The following MIOS variants were observed in gnomAD, a reference collection of about 807,000 sequenced individuals.
MIOS encodes meiosis regulator for oocyte development.
In MIOS, 52 loss-of-function variants were observed where a neutral mutation model predicts 96.9. That is an observed-to-expected ratio of 0.54 (90% confidence interval 0.43 to 0.68). The LOEUF (loss-of-function observed/expected upper bound fraction) is 0.68. MIOS is among the 30% of genes least tolerant of loss of function. The pLI is 0.00. For synonymous variants in MIOS, 397 were observed against 359.5 expected, an observed-to-expected ratio of 1.10 and a Z score of -1.18; for missense variants, 1,005 against 1,052.8, an observed-to-expected ratio of 0.95 and a Z score of 0.63.
intron 3 of MIOS, among the ~76,000 whole-genome samples, chr7:7,571,690 C>G (rs1349841669): frequency 6.6e-6 from 1 of 151,290 alleles, no homozygotes; most frequent in Non-Finnish European, 1.5e-5. Context: ...AAGGGGTTCC[C>G]CACACACAAT....
intron 11 of MIOS, among the ~76,000 whole-genome samples, chr7:7,597,468 TTATATATATA>T (rs1160646084): frequency 1.3e-3 from 15 of 11,696 alleles, no homozygotes; most frequent in African/African-American, 3.2e-3. Context: ...CCTAGTAAAT[TTATATATATA>T]TATATATATA....
At chr7:7,593,888 AAAAAAAAG>A (rs1484927294) in intron 9 of MIOS, among the ~76,000 whole-genome samples, 1 of 104,306 alleles carries the variant, frequency 9.6e-6, no homozygotes, top group Admixed American at 8.6e-5. Flanking sequence ...CCAAAAAAAA[AAAAAAAAG>A]AAAAAGAAAA....
intron 7 of MIOS, among the ~76,000 whole-genome samples, chr7:7,587,623 C>G (rs576476162): frequency 6.6e-6 from 1 of 152,146 alleles, no homozygotes; most frequent in Admixed American, 6.5e-5. Context: ...ATAACTCTTT[C>G]CAGATCAAAA....
At chr7:7,593,494 C>T (rs373429253) in intron 9 of MIOS, among the ~76,000 whole-genome samples, 31 of 152,152 alleles carry the variant, frequency 2.0e-4, no homozygotes, top group African/African-American at 6.0e-4. Flanking sequence ...AGAAAACTAA[C>T]CTTCAGATTG....
chr7:7,568,488 A>C (rs1396150542), intron 3 of MIOS, among the ~76,000 whole-genome samples: 1 of 152,196 alleles, frequency 6.6e-6, no homozygotes, highest in Non-Finnish European at 1.5e-5. Context: ...TGGTGAAAAA[A>C]AATACACTTC....
At chr7:7,587,108 T>C (rs1326347228) in intron 7 of MIOS, among the ~76,000 whole-genome samples, 1 of 151,858 alleles carries the variant, frequency 6.6e-6, no homozygotes, top group African/African-American at 2.4e-5. Flanking sequence ...CCTCCTGGGT[T>C]TAAGTGATTC....
At chr7:7,599,764 C>T (rs560807686) in intron 11 of MIOS, among the ~76,000 whole-genome samples, 2 of 152,268 alleles carry the variant, frequency 1.3e-5, no homozygotes, top group South Asian at 2.1e-4. Flanking sequence ...AGAATAATCA[C>T]TCTTTATAAT....
intron 5 of MIOS, among the ~76,000 whole-genome samples, chr7:7,574,611 C>G (rs1398854703): frequency 6.6e-6 from 1 of 152,032 alleles, no homozygotes; most frequent in African/African-American, 2.4e-5. Flanking sequence ...CAAATACTTT[C>G]ATTGAGCCAT....
At chr7:7,606,742 A>G (rs7789287) in intron 12 of MIOS, among the ~76,000 whole-genome samples, 147,748 of 152,294 alleles carry the variant, frequency 0.97, 71,697 homozygotes, top group East Asian at 1. Context: ...TCTGGGTTTT[A>G]GTTTCTATAT....
rs184098603 is a variant in MIOS, at chr7:7,597,270, G to A, written c.2401+809G>A. On this transcript the variant is annotated intron_variant, in intron 11 of 12. Coordinates refer to ENST00000340080, the MANE Select transcript of MIOS (RefSeq NM_019005.4). The stretch of plus-strand genomic sequence containing the variant: ...GAACCCGGGAGGCAGAGGTTGCAGT[G>A]AGCCAAGATCATGCCACTGCACTCC... 2.2e-3 allele frequency among the ~76,000 whole-genome samples: 327 copies of A among 150,952 alleles called. 8 individuals are homozygous for A. The East Asian group carries it at 0.047, about 22-fold the overall frequency.
In MIOS at chr7:7,572,325, G is replaced by GA; in HGVS notation, c.-40-106dup. ...TAGAGAGAAGAAATACAAATATATT[G>GA]AAAAAGAGGGTTCTTGAATAGAGAA... On this transcript the variant is annotated intron_variant, in intron 3 of 12. Coordinates refer to ENST00000340080, the MANE Select transcript of MIOS (RefSeq NM_019005.4). The surrounding 1 kb of genome is among the most constrained non-coding windows in gnomAD (Gnocchi z 4.8). 1 of 507,622 alleles carries GA rather than the reference G, an allele frequency of 2.0e-6. No homozygotes were observed. Among genetic ancestry groups the GA allele is most frequent in the Non-Finnish European group, 3.4e-6 (1 of 292,962 alleles). The allele number at this position is 507,622 out of a possible 1,614,324, so 31.4% of individuals were successfully genotyped here.
In MIOS at chr7:7,589,365, G is replaced by A. The variant is rs147096223; in HGVS notation, c.1885-40G>A. 5.8e-4 allele frequency: 915 copies of A among 1,587,582 alleles called. 4 individuals are homozygous for A. The African/African-American group carries it at 0.011, about 19-fold the overall frequency. On this transcript the variant is annotated intron_variant, in intron 8 of 12. Coordinates refer to ENST00000340080, the MANE Select transcript of MIOS (RefSeq NM_019005.4). ...AGTTTTGAAGTACAAAATACATAGT[G>A]AAACAGATTGCTTTAGAAAAATCAC...
chr7:7,604,774 A>C (rs1784478319), intron 11 of MIOS, among the ~76,000 whole-genome samples: 1 of 152,194 alleles, frequency 6.6e-6, no homozygotes, highest in Admixed American at 6.6e-5. Context: ...GAAAAATATA[A>C]GGATATGCCT....
At chr7:7,584,960 C>T (rs1783839585) in intron 6 of MIOS, among the ~76,000 whole-genome samples, 1 of 152,074 alleles carries the variant, frequency 6.6e-6, no homozygotes. Flanking sequence ...TCTTGTAGTT[C>T]ATTTTGTCCT....
At chr7:7,597,374 G>C (rs1484143589) in intron 11 of MIOS, among the ~76,000 whole-genome samples, 1 of 145,350 alleles carries the variant, frequency 6.9e-6, no homozygotes, top group Non-Finnish European at 1.5e-5. Context: ...TAATAAATAA[G>C]AAAATACATA....
chr7:7,605,049 T>A (rs1207948362), intron 11 of MIOS: 4 of 152,198 alleles, frequency 2.6e-5, no homozygotes, highest in African/African-American at 7.2e-5. Context: ...GGATATTTTT[T>A]AAAACTATTC....
chr7:7,580,496 T>G (rs1232351047), intron 5 of MIOS, among the ~76,000 whole-genome samples: 4 of 152,312 alleles, frequency 2.6e-5, no homozygotes, highest in Admixed American at 6.5e-5. Context: ...TTTAACTAAT[T>G]TTTGTATTTC....
chr7:7,584,315 T>C (rs1005163226), intron 6 of MIOS, among the ~76,000 whole-genome samples: 1 of 152,120 alleles, frequency 6.6e-6, no homozygotes, highest in African/African-American at 2.4e-5. Flanking sequence ...GAATTGATAT[T>C]TAAAGCCATT....
chr7:7,597,468 TTATATATATATATATATATATATA>T (rs1160646084), intron 11 of MIOS, among the ~76,000 whole-genome samples: 4 of 11,696 alleles, frequency 3.4e-4, no homozygotes, highest in African/African-American at 1.8e-3. Flanking sequence ...CCTAGTAAAT[TTATATATATATATATATATATATA>T]TATATATATA....
Sources: allele counts gnomAD v4.1 joint callset (sites outside exome capture counted in the v4.1 genomes callset), GRCh38; gene constraint gnomAD v4.1.1; non-coding constraint Gnocchi (gnomAD v3.1); transcripts MANE v1.5; gene names NCBI Gene and HGNC (gene_info 2026-07-23, HGNC 2026-07-21).